RALA: variants seen among roughly 807,000 people sequenced by gnomAD.
The protein encoded by RALA is RAS like proto-oncogene A.
Under a neutral mutation model 24.0 loss-of-function variants are expected in RALA, and 5 were observed. The observed-to-expected ratio is 0.21, with a 90% confidence interval of 0.11 to 0.44. RALA has a LOEUF of 0.44. Among genes scored for constraint, RALA ranks in the 20% least tolerant of loss-of-function variants. RALA has a pLI of 0.99. For synonymous variants in RALA, 77 were observed against 83.8 expected (o/e 0.92, Z 0.44); for missense variants, 95 against 241.2 (o/e 0.39, Z 4.01).
intron 3 of RALA, among the ~76,000 whole-genome samples, chr7:39,695,332 A>G (rs1332799988): frequency 1.3e-5 from 2 of 152,002 alleles, no homozygotes; most frequent in African/African-American, 4.8e-5. Flanking sequence ...TTAATAGCTA[A>G]TACAGTGTAA....
At chr7:39,696,583 T>A (rs1427731698) in intron 3 of RALA, 102 bp from the exon 4 acceptor site, 2 of 862,352 alleles carry the variant, frequency 2.3e-6, no homozygotes, top group African/African-American at 3.5e-5. Context: ...TGTACCACAG[T>A]AGTAGATGTT....
chr7:39,656,784 A>G (rs1312041246), intron 1 of RALA, among the ~76,000 whole-genome samples: 1 of 152,164 alleles, frequency 6.6e-6, no homozygotes, highest in Non-Finnish European at 1.5e-5. Context: ...CCATCTCTTG[A>G]TCTGGACCCT....
In RALA at chr7:39,696,798, C is replaced by T; in HGVS notation, c.437C>T (p.Ala146Val). Residue 146 changes from alanine (A) to valine (V), a missense_variant, in exon 4 of 5, where the codon GCT becomes GTT. By Grantham distance (64) the Ala-to-Val change is moderately conservative (BLOSUM62 0). Coordinates refer to ENST00000005257, the MANE Select transcript of RALA (RefSeq NM_005402.4). ...QVSVEEAKNR[A>V]EQWNVNYVET... Reference sequence around the variant, plus strand: ...TCTGTAGAAGAGGCAAAAAACAGAGCTGAGCAGTGGAATGTTAACTACGTG... The same window carrying T: ...TCTGTAGAAGAGGCAAAAAACAGAGTTGAGCAGTGGAATGTTAACTACGTG... 6.2e-7 allele frequency: 1 copy of T among 1,613,892 alleles called. No homozygotes were observed. The highest frequency in any genetic ancestry group is 8.5e-7 in the Non-Finnish European group (1 of 1,179,898).
At chr7:39,628,933 GATAAA>G (rs1273181938) in intron 1 of RALA, among the ~76,000 whole-genome samples, 1 of 152,198 alleles carries the variant, frequency 6.6e-6, no homozygotes, top group African/African-American at 2.4e-5. Flanking sequence ...TGTGTGAAAA[GATAAA>G]ATACATAAAC....
At position 39,698,949 on chromosome 7, in the gene RALA, G is replaced by C. The variant is rs146669756; in HGVS notation, c.498+2090G>C. Among the ~76,000 whole-genome samples, 1,340 of 152,048 alleles carry C rather than the reference G, an allele frequency of 8.8e-3. 23 individuals carry two copies. The highest frequency in any genetic ancestry group is 0.03 in the Admixed American group (454 of 15,260). Reference sequence around the variant, plus strand: ...GGAAGTACAACTTTAAAATATAGTGGAATGTCCTTTTTTTACCCGTCACTT... The same window carrying C: ...GGAAGTACAACTTTAAAATATAGTGCAATGTCCTTTTTTTACCCGTCACTT... On this transcript the variant is annotated intron_variant, in intron 4 of 4. Coordinates refer to ENST00000005257, the MANE Select transcript of RALA (RefSeq NM_005402.4).
At chr7:39,642,657 A>G (rs1441215439) in intron 1 of RALA, among the ~76,000 whole-genome samples, 1 of 152,152 alleles carries the variant, frequency 6.6e-6, no homozygotes, top group East Asian at 1.9e-4. Flanking sequence ...AATCTGCTTC[A>G]TTTTTGGATG....
chr7:39,674,904 A>G (rs1408534791), intron 1 of RALA, among the ~76,000 whole-genome samples: 1 of 144,954 alleles, frequency 6.9e-6, no homozygotes, highest in African/African-American at 2.6e-5. Context: ...GCTCACTGCA[A>G]CCTCCACCTC....
chr7:39,648,725 TGCCA>T (rs1465328367), intron 1 of RALA, among the ~76,000 whole-genome samples: 1 of 152,146 alleles, frequency 6.6e-6, no homozygotes, highest in Non-Finnish European at 1.5e-5. Context: ...GTGACAGATT[TGCCA>T]GCCAATCAGT....
At chr7:39,705,924 G>T (rs550300267) in intron 4 of RALA, among the ~76,000 whole-genome samples, 199 bp from the exon 5 acceptor site, 1 of 151,980 alleles carries the variant, frequency 6.6e-6, no homozygotes, top group South Asian at 2.1e-4. Context: ...GTGTAATTCA[G>T]AAAACTTCCT....
At chr7:39,667,366 T>C (rs1792302620) in intron 1 of RALA, among the ~76,000 whole-genome samples, 1 of 152,194 alleles carries the variant, frequency 6.6e-6, no homozygotes, top group Admixed American at 6.5e-5. Flanking sequence ...AAAAAGAATT[T>C]ACAGACAGAA....
intron 1 of RALA, among the ~76,000 whole-genome samples, chr7:39,629,636 G>T (rs1270421204): frequency 6.7e-6 from 1 of 148,762 alleles, no homozygotes; most frequent in Non-Finnish European, 1.5e-5. Context: ...GTCTCACTCT[G>T]CCAGGCTGGA....
chr7:39,678,002 A>G (rs888663646), intron 1 of RALA, among the ~76,000 whole-genome samples: 4 of 143,348 alleles, frequency 2.8e-5, no homozygotes, highest in Admixed American at 7.4e-5. Flanking sequence ...ATGAGATCAC[A>G]TGGACACAGG....
At chr7:39,632,486 G>A (rs1285508586) in intron 1 of RALA, among the ~76,000 whole-genome samples, 2 of 152,166 alleles carry the variant, frequency 1.3e-5, no homozygotes, top group African/African-American at 4.8e-5. Context: ...TACCTTACAA[G>A]GGTTGCACAC....
At chr7:39,660,409 A>T (rs1005458821) in intron 1 of RALA, among the ~76,000 whole-genome samples, 2 of 152,138 alleles carry the variant, frequency 1.3e-5, no homozygotes, top group African/African-American at 4.8e-5. Flanking sequence ...CATAACACTT[A>T]TAAGAGGCAG....
At chr7:39,629,158 A>G in intron 1 of RALA, among the ~76,000 whole-genome samples, 1 of 152,024 alleles carries the variant, frequency 6.6e-6, no homozygotes, top group East Asian at 1.9e-4. Flanking sequence ...GTACTGTCAA[A>G]CTCCTCATCC....
chr7:39,674,819 CTTTTTTT>C (rs11452061), intron 1 of RALA, among the ~76,000 whole-genome samples: 2 of 96,702 alleles, frequency 2.1e-5, no homozygotes, highest in Non-Finnish European at 3.9e-5. Flanking sequence ...TAATTTTATG[CTTTTTTT>C]TTTTTTTTTT....
At chr7:39,667,640 A>G (rs960456537) in intron 1 of RALA, among the ~76,000 whole-genome samples, 4 of 152,258 alleles carry the variant, frequency 2.6e-5, no homozygotes, top group African/African-American at 9.6e-5. Flanking sequence ...AATTAAAGGA[A>G]TATAAGTGAA....
At chr7:39,659,480 A>G (rs1236899256) in intron 1 of RALA, among the ~76,000 whole-genome samples, 1 of 151,806 alleles carries the variant, frequency 6.6e-6, no homozygotes, top group Non-Finnish European at 1.5e-5. Flanking sequence ...ATACACTTTT[A>G]TCTTTCATGA....
intron 1 of RALA, among the ~76,000 whole-genome samples, chr7:39,669,671 C>T (rs1045977284): frequency 3.3e-5 from 5 of 151,780 alleles, no homozygotes; most frequent in Non-Finnish European, 7.4e-5. Flanking sequence ...AAAAAATTAA[C>T]CAGGCGTGCC....
Sources: allele counts gnomAD v4.1 joint callset (sites outside exome capture counted in the v4.1 genomes callset), GRCh38; gene constraint gnomAD v4.1.1; transcripts MANE v1.5; gene names NCBI Gene and HGNC (gene_info 2026-07-23, HGNC 2026-07-21).